TNIK: variants seen among roughly 807,000 people sequenced by gnomAD.
TNIK encodes TRAF2 and NCK-interacting protein kinase.
A neutral mutation model predicts 191.3 loss-of-function variants in TNIK; 49 were observed. The ratio of observed to expected loss-of-function variants is 0.26; its 90% CI spans 0.20 to 0.32. The LOEUF (loss-of-function observed/expected upper bound fraction) is 0.32, where lower values mean the gene tolerates loss of function less well. Among genes scored for constraint, TNIK ranks in the 10% least tolerant of loss-of-function variants. TNIK has a pLI of 1.00. For synonymous variants in TNIK, 594 were observed against 600.9 expected, an observed-to-expected ratio of 0.99 and a Z score of 0.17; for missense variants, 1,155 against 1,702.3, an observed-to-expected ratio of 0.68 and a Z score of 5.66.
chr3:171,173,077 A>G lies in TNIK; in HGVS notation c.773+2175T>C, dbSNP rs375195398. ...GTCACAAAAAGGGGTGGTGTAGACC[A>G]TGGTTAAGATGAAAACAGGAGATGT... On this transcript the variant is annotated intron_variant, in intron 9 of 32. Coordinates refer to ENST00000436636, the MANE Select transcript of TNIK (RefSeq NM_015028.4). 6.0e-4 allele frequency among the ~76,000 whole-genome samples: 91 copies of G among 152,096 alleles called. 1 individual carries two copies. The highest frequency in any genetic ancestry group is 2.1e-3 in the African/African-American group (88 of 41,430).
chr3:171,175,710 A>G (rs563315225), intron 8 of TNIK, among the ~76,000 whole-genome samples: 25 of 152,334 alleles, frequency 1.6e-4, no homozygotes, highest in African/African-American at 5.5e-4. Flanking sequence ...AATTAGTAAA[A>G]GCCTAAGCCA....
intron 1 of TNIK, among the ~76,000 whole-genome samples, chr3:171,426,888 T>C (rs1724706827): frequency 1.3e-5 from 2 of 152,132 alleles, no homozygotes; most frequent in South Asian, 4.1e-4. Context: ...AATGGCTGCC[T>C]ACCTGGACAA....
At chr3:171,077,233 TC>T (rs932217218) in intron 28 of TNIK, among the ~76,000 whole-genome samples, 2 of 152,238 alleles carry the variant, frequency 1.3e-5, no homozygotes, top group Admixed American at 6.5e-5. Context: ...CCCTGCATTG[TC>T]CCACTCTGCC....
At chr3:171,426,135 G>A (rs1324735712) in intron 1 of TNIK, among the ~76,000 whole-genome samples, 1 of 151,970 alleles carries the variant, frequency 6.6e-6, no homozygotes, top group Non-Finnish European at 1.5e-5. Context: ...ACTCACAATA[G>A]CAAAGACTTG....
chr3:171,096,159 G>A (rs1367328599), intron 22 of TNIK, among the ~76,000 whole-genome samples: 1 of 152,144 alleles, frequency 6.6e-6, no homozygotes, highest in African/African-American at 2.4e-5. Context: ...CTTTGCTATT[G>A]TCAGGGGCTC....
intron 2 of TNIK, among the ~76,000 whole-genome samples, chr3:171,344,372 C>T (rs1711815034): frequency 6.6e-6 from 1 of 152,116 alleles, no homozygotes; most frequent in African/African-American, 2.4e-5. Context: ...ACAAGAAAGT[C>T]TTGCTTCTTT....
intron 2 of TNIK, among the ~76,000 whole-genome samples, chr3:171,237,054 T>A (rs1744361226): frequency 6.6e-6 from 1 of 152,206 alleles, no homozygotes; most frequent in African/African-American, 2.4e-5. Flanking sequence ...TTAATAGACT[T>A]CTGCAGCAGC....
chr3:171,403,229 A>G (rs1216532827), intron 1 of TNIK, among the ~76,000 whole-genome samples: 4 of 152,218 alleles, frequency 2.6e-5, no homozygotes, highest in Non-Finnish European at 5.9e-5. Context: ...TAAATACGTT[A>G]AAGAGAACAG....
chr3:171,133,776 C>A (rs1335127157), intron 15 of TNIK, among the ~76,000 whole-genome samples: 2 of 152,106 alleles, frequency 1.3e-5, no homozygotes, highest in Admixed American at 6.5e-5. Flanking sequence ...AAAGAAATCA[C>A]TTAGGTATAG....
chr3:171,108,104 T>A lies in TNIK; in HGVS notation c.2343A>T (p.Pro781=). ...GCCGGGTAATGTCCCTGGATTCTTCTGGTTTCACCTTCGCAGGCTCATGGG... is the reference window on the plus strand; with the variant it reads ...GCCGGGTAATGTCCCTGGATTCTTCAGGTTTCACCTTCGCAGGCTCATGGG... ...VLPHEPAKVK[P]EESRDITRPS... is the part of the protein sequence containing the mutation. Residue 781 remains proline (P), a synonymous_variant, in exon 20 of 33, where the codon CCA becomes CCT. Transcript: ENST00000436636. 6.3e-7 allele frequency: 1 copy of A among 1,577,630 alleles called. No individual in the cohort carries two copies. The highest frequency in any genetic ancestry group is 8.6e-7 in the Non-Finnish European group (1 of 1,160,592).
chr3:171,293,516 G>C (rs1013586659), intron 2 of TNIK, among the ~76,000 whole-genome samples: 1 of 152,130 alleles, frequency 6.6e-6, no homozygotes, highest in African/African-American at 2.4e-5. Flanking sequence ...TTCTGATTCT[G>C]CCAAGCAATG....
In TNIK at chr3:171,062,172, T is replaced by C; in HGVS notation, c.*1709A>G. 1 of 152,140 alleles carries C rather than the reference T, an allele frequency of 6.6e-6. No homozygotes were observed. The highest frequency in any genetic ancestry group is 1.9e-4 in the East Asian group (1 of 5,198). The allele number at this position is 152,140 out of a possible 1,614,324, so 9.4% of individuals were successfully genotyped here. The stretch of plus-strand genomic sequence containing the variant: ...AAAGTCAGTAAGATCGTAGTTTTTT[T>C]TGTTGTTGTTGTTCCATTTACAGTA... On this transcript the variant is annotated 3_prime_UTR_variant, in exon 33 of 33. Coordinates refer to ENST00000436636, the MANE Select transcript of TNIK (RefSeq NM_015028.4).
At chr3:171,443,120 G>A (rs983064447) in intron 1 of TNIK, among the ~76,000 whole-genome samples, 1 of 152,186 alleles carries the variant, frequency 6.6e-6, no homozygotes, top group African/African-American at 2.4e-5. Context: ...TCTAACTGGT[G>A]CTGGAGCTAC....
chr3:171,422,625 C>T (rs1423357394), intron 1 of TNIK, among the ~76,000 whole-genome samples: 1 of 152,164 alleles, frequency 6.6e-6, no homozygotes, highest in Non-Finnish European at 1.5e-5. Flanking sequence ...CAAATACCTA[C>T]TATGTACTGG....
At chr3:171,218,416 C>T (rs746644616) in intron 3 of TNIK, among the ~76,000 whole-genome samples, 4 of 152,064 alleles carry the variant, frequency 2.6e-5, no homozygotes, top group Non-Finnish European at 5.9e-5. Context: ...AAGTTTTAAA[C>T]CTAGCAATAA....
chr3:171,388,873 C>A lies in TNIK; in HGVS notation c.58-19188G>T, dbSNP rs558448790. Among the ~76,000 whole-genome samples the A allele has an allele frequency of 2.0e-5, 3 of 152,198 alleles. No homozygotes were observed. In the South Asian group the frequency reaches 6.2e-4, roughly 32 times the overall value. On this transcript the variant is annotated intron_variant, in intron 1 of 32. Coordinates refer to ENST00000436636, the MANE Select transcript of TNIK (RefSeq NM_015028.4). ...CCTAACTCCACCTCTAGACTGCAAGCTACTTGAAGTACATACAGTTTTTGA... is the reference window on the plus strand; with the variant it reads ...CCTAACTCCACCTCTAGACTGCAAGATACTTGAAGTACATACAGTTTTTGA...
intron 15 of TNIK, among the ~76,000 whole-genome samples, chr3:171,131,208 G>C (rs1258390968): frequency 6.6e-6 from 1 of 150,670 alleles, no homozygotes; most frequent in African/African-American, 2.4e-5. Context: ...CGTGGTAGCG[G>C]GCGCCGGTAG....
In TNIK at chr3:171,194,407, G is replaced by A. The variant is rs1738412834; in HGVS notation, c.417+118C>T. On this transcript the variant is annotated intron_variant, in intron 5 of 32. Coordinates refer to ENST00000436636, the MANE Select transcript of TNIK (RefSeq NM_015028.4). Reference sequence around the variant, plus strand: ...CCACTGATAGGATAAACTTTTAAAGGGTTTTTGATATGCTTATGAATTTCA... The same window carrying A: ...CCACTGATAGGATAAACTTTTAAAGAGTTTTTGATATGCTTATGAATTTCA... The A allele has an allele frequency of 6.8e-6, 6 of 885,636 alleles. No individual in the cohort carries two copies. In the East Asian group the frequency reaches 7.4e-5, roughly 11 times the overall value. The allele number at this position is 885,636 out of a possible 1,614,324, so 54.9% of individuals were successfully genotyped here.
intron 2 of TNIK, among the ~76,000 whole-genome samples, chr3:171,301,945 A>C (rs1577402201): frequency 6.6e-6 from 1 of 152,280 alleles, no homozygotes; most frequent in East Asian, 1.9e-4. Context: ...AGGGGAAAAA[A>C]TTTGTGTATA....
Sources: allele counts gnomAD v4.1 joint callset (sites outside exome capture counted in the v4.1 genomes callset), GRCh38; gene constraint gnomAD v4.1.1; transcripts MANE v1.5; gene names NCBI Gene and HGNC (gene_info 2026-07-23, HGNC 2026-07-21).